CCNJL: variants seen among roughly 807,000 people sequenced by gnomAD.
CCNJL encodes the protein cyclin-J-like protein.
A neutral mutation model predicts 33.4 loss-of-function variants in CCNJL; 33 were observed. That is an observed-to-expected ratio of 0.99 (90% confidence interval 0.75 to 1.32). The LOEUF is 1.32. CCNJL is among the 40% of genes most tolerant of loss of function. CCNJL has a pLI of 0.00. For missense variants in CCNJL, 512 were observed against 499.7 expected, an observed-to-expected ratio of 1.02 and a Z score of -0.23; for synonymous variants, 227 against 220.9, an observed-to-expected ratio of 1.03 and a Z score of -0.24.
In CCNJL at chr5:160,280,626, C is replaced by T. The variant is rs773517273; in HGVS notation, c.179G>A (p.Arg60Gln). ...SSHCQLCPAA[R>Q]HLAVYLLDHF... ...GTCCAGCAGGTAGACGGCCAGGTGCCGGGCTGCAGGGCAGAGCTGGCAGTG... is the reference window on the plus strand; with the variant it reads ...GTCCAGCAGGTAGACGGCCAGGTGCTGGGCTGCAGGGCAGAGCTGGCAGTG... Residue 60 changes from arginine to glutamine, a missense_variant, in exon 3 of 6, where the codon CGG becomes CAG. By Grantham distance (43) the Arg-to-Gln change is conservative. Transcript: ENST00000257536. 7.8e-5 allele frequency: 126 copies of T among 1,613,432 alleles called. No homozygotes were observed. The highest frequency in any genetic ancestry group is 6.2e-4 in the Admixed American group (37 of 59,998).
intron 3 of CCNJL, among the ~76,000 whole-genome samples, chr5:160,263,984 G>A (rs919055390): frequency 2.1e-5 from 3 of 141,708 alleles, no homozygotes; most frequent in East Asian, 2.0e-4. Context: ...CACTCCTGTC[G>A]CACAAGCTGG....
At chr5:160,329,571 G>C (rs866670761) in intron 1 of CCNJL, among the ~76,000 whole-genome samples, 1 of 152,022 alleles carries the variant, frequency 6.6e-6, no homozygotes, top group Non-Finnish European at 1.5e-5. Context: ...GGATGATCTC[G>C]ATCTCCTGAC....
In CCNJL at chr5:160,280,507, A is replaced by T; in HGVS notation, c.280+18T>A. The T allele has an allele frequency of 1.2e-6, 2 of 1,601,750 alleles. No homozygotes were observed. The highest frequency in any genetic ancestry group is 1.7e-6 in the Non-Finnish European group (2 of 1,172,580). On this transcript the variant is annotated intron_variant, in intron 3 of 5. Transcript: ENST00000257536. The stretch of plus-strand genomic sequence containing the variant: ...GGAGACCGCACAAGCGCGGAGGAAG[A>T]CGTAGGTTTTCGCTTACTTGCAAGC...
At chr5:160,337,871 C>T (rs903182040) in intron 1 of CCNJL, among the ~76,000 whole-genome samples, 1 of 152,106 alleles carries the variant, frequency 6.6e-6, no homozygotes, top group African/African-American at 2.4e-5. Flanking sequence ...AGCCAAATGA[C>T]CATTTGCTGA....
At chr5:160,293,956 T>A (rs765173711) in intron 2 of CCNJL, among the ~76,000 whole-genome samples, 5 of 151,800 alleles carry the variant, frequency 3.3e-5, no homozygotes, top group Non-Finnish European at 5.9e-5. Context: ...CTCCCTACCA[T>A]GCCTATCCCT....
intron 1 of CCNJL, among the ~76,000 whole-genome samples, chr5:160,318,908 AT>A (rs1360561320): frequency 1.3e-5 from 2 of 152,212 alleles, no homozygotes; most frequent in Non-Finnish European, 2.9e-5. Flanking sequence ...AATACTTTAC[AT>A]TTTGAATTTT....
intron 5 of CCNJL, chr5:160,254,055 C>T (rs982681941): frequency 3.0e-5 from 14 of 469,710 alleles, no homozygotes; most frequent in African/African-American, 2.4e-4. Flanking sequence ...GCTGTCCCCA[C>T]AGCCCCATGC....
chr5:160,338,645 G>A (rs993411762), intron 1 of CCNJL, among the ~76,000 whole-genome samples: 1 of 152,290 alleles, frequency 6.6e-6, no homozygotes, highest in Middle Eastern at 3.4e-3. Context: ...AGGGCTATTT[G>A]TATAAGGGAA....
intron 2 of CCNJL, among the ~76,000 whole-genome samples, chr5:160,281,770 C>T (rs937114092): frequency 6.6e-6 from 1 of 152,168 alleles, no homozygotes; most frequent in Non-Finnish European, 1.5e-5. Flanking sequence ...CCCACCTTGG[C>T]CTCCCAAGTA....
At position 160,296,697 on chromosome 5, in the gene CCNJL, AC is replaced by A. The variant is rs548690434; in HGVS notation, c.66+15160del. Among the ~76,000 whole-genome samples the A allele has an allele frequency of 1.8e-3, 274 of 152,156 alleles. 1 individual carries two copies. The highest frequency in any genetic ancestry group is 5.4e-3 in the African/African-American group (225 of 41,518). On this transcript the variant is annotated intron_variant, in intron 2 of 5. Coordinates refer to ENST00000257536, the MANE Select transcript of CCNJL (RefSeq NM_001308173.3). ...CCTGGTGCATCTCCTGGTCCTCCCC[AC>A]AACTGACCAGGCTGCCCCTTGCAGG...
chr5:160,282,994 TATATATATATATATAC>T (rs1241114183), intron 2 of CCNJL, among the ~76,000 whole-genome samples: 1,069 of 59,584 alleles, frequency 0.018, 28 homozygotes, highest in South Asian at 0.044. Flanking sequence ...TATATATATA[TATATATATATATATAC>T]ATATATATAT....
intron 1 of CCNJL, among the ~76,000 whole-genome samples, chr5:160,338,667 T>C (rs1311038025): frequency 2.0e-5 from 3 of 152,234 alleles, no homozygotes; most frequent in Non-Finnish European, 4.4e-5. Context: ...GATTATAATC[T>C]TGGCCCATGA....
chr5:160,262,153 T>C (rs1761365202), intron 3 of CCNJL, among the ~76,000 whole-genome samples: 4 of 152,168 alleles, frequency 2.6e-5, no homozygotes, highest in Admixed American at 2.6e-4. Context: ...AGAAACGAGC[T>C]CTTTCCCTCC....
At chr5:160,312,243 C>T (rs1349687365) in intron 1 of CCNJL, 121 bp downstream of exon 1, 1 of 427,164 alleles carries the variant, frequency 2.3e-6, no homozygotes, top group African/African-American at 2.1e-5. Flanking sequence ...GTCAACTCCG[C>T]TAGCTCGCTC....
intron 2 of CCNJL, among the ~76,000 whole-genome samples, chr5:160,293,350 C>G (rs974460676): frequency 1.3e-5 from 2 of 152,148 alleles, no homozygotes; most frequent in Non-Finnish European, 2.9e-5. Flanking sequence ...TTGCTTGAAC[C>G]CGGGAGGTGG....
At chr5:160,337,600 C>G (rs1325995456) in intron 1 of CCNJL, among the ~76,000 whole-genome samples, 2 of 152,090 alleles carry the variant, frequency 1.3e-5, no homozygotes, top group Non-Finnish European at 2.9e-5. Flanking sequence ...CATGTTGACT[C>G]CCACCTTAGG....
At chr5:160,263,094 A>G (rs1356941093) in intron 3 of CCNJL, among the ~76,000 whole-genome samples, 1 of 152,166 alleles carries the variant, frequency 6.6e-6, no homozygotes, top group East Asian at 1.9e-4. Context: ...AACAATGAAC[A>G]CATAGGACCC....
At chr5:160,313,759 A>G (rs926763551), upstream of CCNJL, among the ~76,000 whole-genome samples, 18 of 152,268 alleles carry the variant, frequency 1.2e-4, no homozygotes, top group Non-Finnish European at 2.2e-4. Flanking sequence ...AAATTACTCT[A>G]TTTAATAAAA....
At chr5:160,300,436 G>A (rs1322252556) in intron 2 of CCNJL, among the ~76,000 whole-genome samples, 1 of 152,158 alleles carries the variant, frequency 6.6e-6, no homozygotes, top group African/African-American at 2.4e-5. Flanking sequence ...TAGCACAAGC[G>A]TGTCCAACCC....
Sources: gnomAD v4.1 joint callset for allele counts (sites outside exome capture counted in the v4.1 genomes callset) on GRCh38, gnomAD v4.1.1 for gene constraint, MANE v1.5 for transcripts, NCBI Gene and HGNC (gene_info 2026-07-23, HGNC 2026-07-21) for gene names.